The following SPARCL1 variants were observed in gnomAD, a reference collection of about 807,000 sequenced individuals.
SPARCL1 encodes the protein SPARC-like protein 1.
In SPARCL1, 52 loss-of-function variants were observed where a neutral mutation model predicts 67.1. The observed-to-expected ratio is 0.78, with a 90% CI of 0.62 to 0.98. The LOEUF (loss-of-function observed/expected upper bound fraction) is 0.98. Ranked by LOEUF, SPARCL1 falls within the 50% of genes least tolerant of loss-of-function variation. The probability of loss-of-function intolerance (pLI) is 0.00; values close to 1 mark genes in which losing one functional copy is unlikely to be tolerated. For missense variants in SPARCL1, 717 were observed against 782.4 expected, an observed-to-expected ratio of 0.92 and a Z score of 1.00; for synonymous variants, 226 against 267.8, an observed-to-expected ratio of 0.84 and a Z score of 1.52.
chr4:87,477,422 C>G (rs370966335), intron 10 of SPARCL1, among the ~76,000 whole-genome samples: 1 of 152,130 alleles, frequency 6.6e-6, no homozygotes, highest in Non-Finnish European at 1.5e-5. Flanking sequence ...CATCCAACCC[C>G]CTGTGGTCTC....
chr4:87,497,294 A>G lies in SPARCL1; in HGVS notation c.55-2167T>C, dbSNP rs910929288. ...TATAAAGAAGCCTTAAAGAAGGGGG[A>G]AAAGGAGAAAGAATGGTGGCCACTT... On this transcript the variant is annotated intron_variant, in intron 2 of 10. Transcript: ENST00000282470. 9.2e-6 allele frequency: 8 copies of G among 869,976 alleles called. No individual in the cohort carries two copies. In the African/African-American group the frequency reaches 1.3e-4, roughly 14 times the overall value. 53.9% of individuals were successfully genotyped at this position (869,976 alleles called of 1,614,324 possible). A position where few individuals can be genotyped will look rare whatever the true frequency, so the allele number is the denominator to read the frequency against.
intron 2 of SPARCL1, among the ~76,000 whole-genome samples, chr4:87,496,426 C>G (rs1190853835): frequency 6.6e-6 from 1 of 151,884 alleles, no homozygotes; most frequent in Non-Finnish European, 1.5e-5. Flanking sequence ...ACCATGTTGC[C>G]CAGTCTGGCC....
At chr4:87,499,662 A>G in intron 1 of SPARCL1, 77 bp from the exon 2 acceptor site, 1 of 1,013,376 alleles carries the variant, frequency 9.9e-7, no homozygotes, top group Middle Eastern at 2.1e-4. Context: ...CTTAGCAAAT[A>G]CTGAGCTTGA....
chr4:87,522,669 A>G (rs58931727), intron 1 of SPARCL1, among the ~76,000 whole-genome samples: 3 of 148,368 alleles, frequency 2.0e-5, no homozygotes, highest in African/African-American at 7.6e-5. Context: ...ACACACACAC[A>G]CACACACACA....
intron 1 of SPARCL1, among the ~76,000 whole-genome samples, chr4:87,527,102 A>G (rs1047983491): frequency 6.6e-6 from 1 of 152,212 alleles, no homozygotes; most frequent in Non-Finnish European, 1.5e-5. Flanking sequence ...CACCTTTGGA[A>G]CAATCATCAA....
intron 1 of SPARCL1, among the ~76,000 whole-genome samples, chr4:87,513,811 A>T (rs1303809467): frequency 6.6e-6 from 1 of 152,222 alleles, no homozygotes; most frequent in Non-Finnish European, 1.5e-5. Flanking sequence ...TAGTTCACTC[A>T]TTAAACACAA....
rs199501739 is a variant in SPARCL1 at position 87,482,545 on chromosome 4, G to A, written c.1547C>T (p.Thr516Met). ...AGGAAACTGAATCACTTCAAAGTCC[G>A]TACAAGTAGGAATAGCTGTTACAAG... ...FGACKSIPTC[T>M]DFEVIQFPLR... is the part of the protein sequence containing the mutation. Residue 516 changes from threonine to methionine, a missense_variant, in exon 8 of 11, where the codon ACG becomes ATG. Coordinates refer to ENST00000282470, the MANE Select transcript of SPARCL1 (RefSeq NM_004684.6). The A allele has an allele frequency of 1.7e-5, 28 of 1,613,918 alleles. No individual in the cohort carries two copies. In the East Asian group the frequency reaches 1.8e-4, roughly 10 times the overall value.
intron 1 of SPARCL1, among the ~76,000 whole-genome samples, chr4:87,517,702 C>T (rs76497655): frequency 0.056 from 8,531 of 152,162 alleles, 759 homozygotes; most frequent in African/African-American, 0.19. Flanking sequence ...GTGGAAATTG[C>T]CTCTCTTTTG....
intron 1 of SPARCL1, among the ~76,000 whole-genome samples, chr4:87,527,662 C>A (rs1286272149): frequency 6.6e-6 from 1 of 152,076 alleles, no homozygotes; most frequent in Non-Finnish European, 1.5e-5. Flanking sequence ...TGCCAGCACT[C>A]TAATTGCTCA....
chr4:87,512,829 A>G (rs184526591), intron 1 of SPARCL1, among the ~76,000 whole-genome samples: 1 of 152,364 alleles, frequency 6.6e-6, no homozygotes, highest in Non-Finnish European at 1.5e-5. Context: ...CATTAGCAAG[A>G]CAATATTTCA....
At chr4:87,485,230 G>C (rs570712537) in intron 7 of SPARCL1, among the ~76,000 whole-genome samples, 1 of 152,218 alleles carries the variant, frequency 6.6e-6, no homozygotes, top group African/African-American at 2.4e-5. Context: ...ATTATTTTGA[G>C]ATATGTTCCA....
Position 87,526,751 on chromosome 4 carries a change from A to T in SPARCL1, c.-12+2294T>A, listed in dbSNP as rs116134195. Among the ~76,000 whole-genome samples the T allele has an allele frequency of 4.7e-3, 720 of 152,334 alleles. 5 individuals carry two copies. The highest frequency in any genetic ancestry group is 0.016 in the African/African-American group (685 of 41,582). On this transcript the variant is annotated intron_variant, in intron 1 of 10. Transcript: ENST00000282470. ...TACAAGGAAGAAACCCTGAGAAAATATCTAGAGTCAGTTCCCGTTCTACGG... is the reference window on the plus strand; with the variant it reads ...TACAAGGAAGAAACCCTGAGAAAATTTCTAGAGTCAGTTCCCGTTCTACGG...
chr4:87,494,851 T>C (rs1021907403), intron 3 of SPARCL1, 130 bp downstream of exon 3: 63 of 849,960 alleles, frequency 7.4e-5, no homozygotes, highest in Non-Finnish European at 1.0e-4. Flanking sequence ...TTGGAGGCAG[T>C]TGAGGTGATC....
chr4:87,476,960 C>T (rs536607237), intron 10 of SPARCL1, among the ~76,000 whole-genome samples: 8 of 152,282 alleles, frequency 5.3e-5, no homozygotes, highest in Admixed American at 2.6e-4. Flanking sequence ...AAGTTGTTTA[C>T]GTGTTCTGAC....
chr4:87,511,959 T>TTC (rs1378809011), intron 1 of SPARCL1, among the ~76,000 whole-genome samples: 11 of 118,482 alleles, frequency 9.3e-5, no homozygotes, highest in Admixed American at 1.7e-4. Flanking sequence ...CCTTTCCTCT[T>TTC]TCTTTCTCTT....
chr4:87,499,720 T>C (rs1724770430), intron 1 of SPARCL1, 135 bp from the exon 2 acceptor site: 1 of 719,166 alleles, frequency 1.4e-6, no homozygotes, highest in Admixed American at 3.0e-5. Context: ...TGGATTAATA[T>C]GTCTGAAAAG....
intron 10 of SPARCL1, among the ~76,000 whole-genome samples, chr4:87,478,178 ATC>A (rs1479209422): frequency 6.6e-6 from 1 of 152,060 alleles, no homozygotes; most frequent in Non-Finnish European, 1.5e-5. Flanking sequence ...CATGAATGAA[ATC>A]TCTGTTTCAG....
rs1345546092 is a variant in SPARCL1 at position 87,483,930 on chromosome 4, GTTGT to G, written c.1532-1374_1532-1371del. Among the ~76,000 whole-genome samples the G allele has an allele frequency of 2.6e-5, 4 of 151,826 alleles. No homozygotes were observed. In the East Asian group the frequency reaches 7.7e-4, roughly 29 times the overall value. On this transcript the variant is annotated intron_variant, in intron 7 of 10. Coordinates refer to ENST00000282470, the MANE Select transcript of SPARCL1 (RefSeq NM_004684.6). ...TATCCTTCACCCACTTTTTGATGGG[GTTGT>G]TTTTTTCTTGTAAATTTGTATCTGT...
At chr4:87,475,944 A>T (rs906066806) in intron 10 of SPARCL1, among the ~76,000 whole-genome samples, 4 of 152,232 alleles carry the variant, frequency 2.6e-5, no homozygotes, top group Non-Finnish European at 5.9e-5. Flanking sequence ...TTGCAGCACT[A>T]TTCACAATAG....
Sources: allele counts gnomAD v4.1 joint callset (sites outside exome capture counted in the v4.1 genomes callset), GRCh38; gene constraint gnomAD v4.1.1; transcripts MANE v1.5; gene names NCBI Gene and HGNC (gene_info 2026-07-23, HGNC 2026-07-21).